Variants in MUC5AC observed in about 807,000 individuals in gnomAD.
MUC5AC encodes the protein mucin 5AC, oligomeric mucus/gel-forming, also known as mucin-5AC.
MUC5AC carries 158 observed loss-of-function variants against 169.7 expected under a neutral mutation model. The ratio of observed to expected loss-of-function variants is 0.93; its 90% CI spans 0.82 to 1.06. The LOEUF is 1.06. Among genes scored for constraint, MUC5AC ranks in the 50% least tolerant of loss-of-function variants. MUC5AC has a pLI of 0.00. For missense variants in MUC5AC, 4,359 were observed against 3,089.9 expected (o/e 1.41, Z -9.74); for synonymous variants, 1,975 against 1,237.0 (o/e 1.60, Z -12.52).
At position 1,191,889 on chromosome 11, in the gene MUC5AC, A is replaced by G. The variant is rs1284975306; in HGVS notation, c.13744A>G (p.Thr4582Ala). Residue 4582 changes from threonine to alanine, a missense_variant, in exon 31 of 49, where the codon ACA becomes GCA. By Grantham distance (58) the Thr-to-Ala change is moderately conservative (BLOSUM62 0). Transcript: ENST00000621226. Reference sequence around the variant, plus strand: ...CACCACCAGCACAACCTCTGCTCCTACAACCAGCACGACCTCTGGTCCTGG... The same window carrying G: ...CACCACCAGCACAACCTCTGCTCCTGCAACCAGCACGACCTCTGGTCCTGG... ...VPTTSTTSAPTTSTTSGPGTT... is the reference protein window; with the variant it reads ...VPTTSTTSAPATSTTSGPGTT... 1 of 762,884 alleles carries G rather than the reference A, an allele frequency of 1.3e-6. No homozygotes were observed. Among genetic ancestry groups the G allele is most frequent in the Non-Finnish European group, 2.4e-6 (1 of 417,400 alleles). The allele number at this position is 762,884 out of a possible 1,614,324, so 47.3% of individuals were successfully genotyped here. A position where few individuals can be genotyped will look rare whatever the true frequency, so the allele number is the denominator to read the frequency against.
At chr11:1,159,586 T>G (rs1191323211) in intron 1 of MUC5AC, among the ~76,000 whole-genome samples, 6 of 23,618 alleles carry the variant, frequency 2.5e-4, no homozygotes, top group East Asian at 1.9e-3. Context: ...TGCGGGGCTG[T>G]GCGGGGCTGT....
chr11:1,179,103 C>A lies in MUC5AC; in HGVS notation c.3339C>A (p.Ala1113=). Reference sequence around the variant, plus strand: ...CCCGTCTCCCTCAGGTGGAGCCGGCCAGGTACTACGAGGCCTGCGTGAACG... The same window carrying A: ...CCCGTCTCCCTCAGGTGGAGCCGGCAAGGTACTACGAGGCCTGCGTGAACG... ...FAACHAHVEP[A]RYYEACVNDA... is the part of the protein sequence containing the mutation. The change falls in exon 26 of 49, where the codon GCC becomes GCA. Residue 1113 remains alanine, a synonymous_variant. Coordinates refer to ENST00000621226, the MANE Select transcript of MUC5AC (RefSeq NM_001304359.2). 1 of 580,504 alleles carries A rather than the reference C, an allele frequency of 1.7e-6. No individual in the cohort carries two copies. The highest frequency in any genetic ancestry group is 3.1e-6 in the Non-Finnish European group (1 of 318,078). 36.0% of individuals were successfully genotyped at this position (580,504 alleles called of 1,614,324 possible).
At chr11:1,179,567 T>C (rs1177095984) in intron 26 of MUC5AC, among the ~76,000 whole-genome samples, 36,962 of 97,198 alleles carry the variant, frequency 0.38, 7,837 homozygotes, top group African/African-American at 0.63. Flanking sequence ...GCGTGGCTGA[T>C]GGAGGGGTCC....
Position 1,184,807 on chromosome 11 carries a change from C to T in MUC5AC, c.6662C>T (p.Pro2221Leu). 4.6e-6 allele frequency: 3 copies of T among 650,434 alleles called. No individual in the cohort carries two copies. The highest frequency in any genetic ancestry group is 8.3e-6 in the Non-Finnish European group (3 of 361,928). The allele number at this position is 650,434 out of a possible 1,614,324, so 40.3% of individuals were successfully genotyped here. The part of the protein sequence containing the change: ...VLCCETPKGC[P>L]VTSTPVTAPS... ...TGCTGCGAGACCCCCAAAGGCTGCC[C>T]CGTGACCTCCACACCTGTGACAGCT... Residue 2221 changes from proline (P) to leucine (L), a missense_variant, in exon 31 of 49, where the codon CCC (proline) becomes CTC (leucine). Coordinates refer to ENST00000621226, the MANE Select transcript of MUC5AC (RefSeq NM_001304359.2).
intron 6 of MUC5AC, 35 bp downstream of exon 6, chr11:1,163,080 G>T: frequency 6.3e-7 from 1 of 1,587,220 alleles, no homozygotes; most frequent in Non-Finnish European, 8.6e-7. Flanking sequence ...CCCTTCCTCA[G>T]TGTCCCCTGG....
At chr11:1,173,811 TTCAC>T (rs1464837314) in intron 16 of MUC5AC, among the ~76,000 whole-genome samples, 31 of 138,254 alleles carry the variant, frequency 2.2e-4, no homozygotes, top group Non-Finnish European at 3.7e-4. Flanking sequence ...CATTCATTCC[TTCAC>T]TCACTCATTC....
chr11:1,160,960 G>T (rs1253724835), intron 2 of MUC5AC, among the ~76,000 whole-genome samples: 2 of 152,216 alleles, frequency 1.3e-5, no homozygotes, highest in Non-Finnish European at 2.9e-5. Context: ...GTGGGAGCCG[G>T]TCACCCTCCG....
rs1861094264 is a variant in MUC5AC at position 1,191,454 on chromosome 11, C to T, written c.13309C>T (p.Pro4437Ser). The change falls in exon 31 of 49, where the codon CCT becomes TCT. Residue 4437 changes from proline to serine, a missense_variant. Transcript: ENST00000621226. ...PASTASTTSGPGTTPSPVPTT... is the reference protein window; with the variant it reads ...PASTASTTSGSGTTPSPVPTT... ...CTCTACAGCCAGCACAACCTCTGGT[C>T]CTGGAACTACTCCCAGCCCTGTTCC... 1.3e-6 allele frequency: 1 copy of T among 750,436 alleles called. No homozygotes were observed. Among genetic ancestry groups the T allele is most frequent in the Admixed American group, 1.7e-5 (1 of 57,430 alleles). The allele number at this position is 750,436 out of a possible 1,614,324, so 46.5% of individuals were successfully genotyped here.
At chr11:1,180,779 G>A (rs894271945) in intron 28 of MUC5AC, among the ~76,000 whole-genome samples, 8 of 152,166 alleles carry the variant, frequency 5.3e-5, no homozygotes, top group African/African-American at 1.9e-4. Flanking sequence ...GAGCAGGCTC[G>A]AGGGGCTCAG....
chr11:1,183,434 T>G lies in MUC5AC; in HGVS notation c.5289T>G (p.His1763Gln). Residue 1763 changes from histidine to glutamine, a missense_variant, in exon 31 of 49, where the codon CAT becomes CAG. Physicochemically the swap from His to Gln is conservative, Grantham distance 24 (BLOSUM62 0). Coordinates refer to ENST00000621226, the MANE Select transcript of MUC5AC (RefSeq NM_001304359.2). ...TGGACTTCCCGTCCCCCGGACCCCATGGTGGAGACAAGGAAACCTACAACA... is the reference window on the plus strand; with the variant it reads ...TGGACTTCCCGTCCCCCGGACCCCAGGGTGGAGACAAGGAAACCTACAACA... ...FDVDFPSPGPHGGDKETYNNI... is the reference protein window; with the variant it reads ...FDVDFPSPGPQGGDKETYNNI... The G allele has an allele frequency of 3.1e-6, 2 of 640,082 alleles. No individual in the cohort carries two copies. Among genetic ancestry groups the G allele is most frequent in the Non-Finnish European group, 5.5e-6 (2 of 362,478 alleles). The allele number at this position is 640,082 out of a possible 1,614,324, so 39.7% of individuals were successfully genotyped here. A position where few individuals can be genotyped will look rare whatever the true frequency, so the allele number is the denominator to read the frequency against.
chr11:1,173,307 AC>A (rs1860594164), intron 16 of MUC5AC, among the ~76,000 whole-genome samples: 5 of 126,060 alleles, frequency 4.0e-5, no homozygotes, highest in Non-Finnish European at 7.2e-5. Context: ...TCACTCACCC[AC>A]TCACTCACTC....
chr11:1,171,359 C>CCACTCACCCACTCACCCATT (rs1860523923), intron 15 of MUC5AC, among the ~76,000 whole-genome samples: 1 of 131,486 alleles, frequency 7.6e-6, no homozygotes. Context: ...ACTCACTCAC[C>CCACTCACCCACTCACCCATT]CACTCACCCA....
chr11:1,168,833 G>T, intron 14 of MUC5AC, 29 bp from the exon 15 acceptor site: 1 of 1,577,884 alleles, frequency 6.3e-7, no homozygotes, highest in East Asian at 2.3e-5. Flanking sequence ...CAGGGCGCAT[G>T]GTCCTCAACC....
rs1266927293 is a variant in MUC5AC at position 1,188,061 on chromosome 11, C to G, written c.9916C>G (p.Pro3306Ala). The change falls in exon 31 of 49, where the codon CCC (proline) becomes GCC (alanine). Residue 3306 changes from proline (P) to alanine (A), a missense_variant. Coordinates refer to ENST00000621226, the MANE Select transcript of MUC5AC (RefSeq NM_001304359.2). ...LVCRNQDQQG[P>A]FKMCLNYEVR... ...GTGCCGGAACCAGGACCAGCAGGGA[C>G]CCTTCAAGATGTGCCTCAACTACGA... is the stretch of plus-strand genomic sequence containing the variant. 1.3e-6 allele frequency: 1 copy of G among 748,940 alleles called. No individual in the cohort carries two copies. The highest frequency in any genetic ancestry group is 1.7e-5 in the African/African-American group (1 of 58,356). 46.4% of individuals were successfully genotyped at this position (748,940 alleles called of 1,614,324 possible).
At chr11:1,196,943 G>A in intron 40 of MUC5AC, 35 bp downstream of exon 40, 1 of 756,706 alleles carries the variant, frequency 1.3e-6, no homozygotes, top group South Asian at 1.4e-5. Context: ...GGGCACTGGG[G>A]TCCAAGAGCC....
intron 15 of MUC5AC, among the ~76,000 whole-genome samples, chr11:1,171,660 TTCACCCAC>T (rs1860545689): frequency 3.3e-5 from 1 of 30,410 alleles, no homozygotes; most frequent in East Asian, 1.2e-3. Context: ...CACTCACCCA[TTCACCCAC>T]TCACCCACTC....
intron 46 of MUC5AC, 42 bp from the exon 47 acceptor site, chr11:1,199,653 G>A (rs1861372186): frequency 2.9e-6 from 2 of 701,292 alleles, no homozygotes; most frequent in Non-Finnish European, 5.2e-6. Context: ...TGTGGGGGCC[G>A]CCGAGCGCCT....
chr11:1,193,969 C>G, intron 33 of MUC5AC, 141 bp from the exon 34 acceptor site: 1 of 644,638 alleles, frequency 1.6e-6, no homozygotes, highest in Non-Finnish European at 2.8e-6. Context: ...CACGTGTGTT[C>G]TGATGACGTG....
rs1250576752 is a variant in MUC5AC at position 1,168,915 on chromosome 11, G to T, written c.1759G>T (p.Gly587Trp). 1.2e-6 allele frequency: 2 copies of T among 1,610,888 alleles called. No homozygotes were observed. ...IQADDFRTLS[G>W]VVEATAAAFF... is the part of the protein sequence containing the mutation. ...GGCCGATGACTTCCGGACCCTCAGT[G>T]GGGTGGTGGAGGCCACCGCTGCGGC... The change falls in exon 15 of 49, where the codon GGG becomes TGG. Residue 587 changes from glycine to tryptophan, a missense_variant. By Grantham distance (184) the Gly-to-Trp change is radical. Transcript: ENST00000621226.
Sources: allele counts gnomAD v4.1 joint callset (sites outside exome capture counted in the v4.1 genomes callset), GRCh38; gene constraint gnomAD v4.1.1; transcripts MANE v1.5; gene names NCBI Gene and HGNC (gene_info 2026-07-23, HGNC 2026-07-21).